The following SLC37A1 variants were observed in gnomAD, a reference collection of about 807,000 sequenced individuals.
SLC37A1 encodes the protein glucose-6-phosphate exchanger SLC37A1.
SLC37A1 carries 49 observed loss-of-function variants against 75.3 expected under a neutral mutation model. That is an observed-to-expected ratio of 0.65 (90% CI 0.52 to 0.83). The LOEUF is 0.83. SLC37A1 is among the 40% of genes least tolerant of loss of function. The pLI is 0.00. For missense variants in SLC37A1, 566 were observed against 695.0 expected (o/e 0.81, Z 2.09); for synonymous variants, 268 against 292.1 (o/e 0.92, Z 0.84).
At chr21:42,543,683 TGA>T in intron 8 of SLC37A1, 81 bp downstream of exon 8, 6 of 1,434,846 alleles carry the variant, frequency 4.2e-6, no homozygotes, top group Non-Finnish European at 5.7e-6. Context: ...GGGGCGAGTG[TGA>T]GAGCTGCGTG....
Position 42,579,940 on chromosome 21 carries a change from T to A in SLC37A1, c.1586+140T>A. 5.3e-6 allele frequency: 4 copies of A among 758,514 alleles called. 1 individual carries two copies. The South Asian group carries it at 6.6e-5, about 13-fold the overall frequency. 47.0% of individuals were successfully genotyped at this position (758,514 alleles called of 1,614,324 possible). ...TTTTCACGGCACGCCACCTTCACTC[T>A]CACTTTTTCTTTTCTAATAAATACC... On this transcript the variant is annotated intron_variant, in intron 19 of 19. Transcript: ENST00000352133.
intron 3 of SLC37A1, among the ~76,000 whole-genome samples, chr21:42,528,133 C>T (rs73905678): frequency 0.03 from 4,523 of 152,260 alleles, 216 homozygotes; most frequent in African/African-American, 0.1. Flanking sequence ...TAGAATGACA[C>T]GGCACACCAG....
intron 1 of SLC37A1, among the ~76,000 whole-genome samples, chr21:42,515,177 G>A (rs2054499874): frequency 6.6e-6 from 1 of 152,062 alleles, no homozygotes; most frequent in East Asian, 1.9e-4. Context: ...GAAAGAGATA[G>A]TGACCATTTT....
intron 10 of SLC37A1, among the ~76,000 whole-genome samples, chr21:42,555,012 A>G (rs1279860567): frequency 1.5e-5 from 2 of 131,878 alleles, no homozygotes; most frequent in Admixed American, 7.9e-5. Flanking sequence ...TTGAGACAAG[A>G]TCTTACTCTG....
At chr21:42,535,587 A>G (rs754725003) in intron 5 of SLC37A1, 37 bp downstream of exon 5, 76 of 1,566,394 alleles carry the variant, frequency 4.9e-5, no homozygotes, top group Non-Finnish European at 6.0e-5. Context: ...CTTCCTGGTT[A>G]CCTGGCCCCT....
chr21:42,553,611 A>G (rs78452055), intron 9 of SLC37A1, among the ~76,000 whole-genome samples: 18,394 of 151,822 alleles, frequency 0.12, 1,548 homozygotes, highest in African/African-American at 0.23. Context: ...GCCCTCTAGC[A>G]GCAGGTCCAC....
intron 10 of SLC37A1, among the ~76,000 whole-genome samples, chr21:42,556,770 G>GGCA (rs58219852): frequency 1.3e-5 from 2 of 152,192 alleles, no homozygotes; most frequent in Non-Finnish European, 2.9e-5. Flanking sequence ...GTAAGGAGGA[G>GGCA]GCAGCAGCAG....
In SLC37A1 at chr21:42,566,894, T is replaced by C. The variant is rs897951601; in HGVS notation, c.1271-91T>C. 1.5e-5 allele frequency: 20 copies of C among 1,323,122 alleles called. No homozygotes were observed. In the African/African-American group the frequency reaches 2.3e-4, roughly 15 times the overall value. 82.0% of individuals were successfully genotyped at this position (1,323,122 alleles called of 1,614,324 possible). A position where few individuals can be genotyped will look rare whatever the true frequency, so the allele number is the denominator to read the frequency against. On this transcript the variant is annotated intron_variant, in intron 15 of 19. Coordinates refer to ENST00000352133, the MANE Select transcript of SLC37A1 (RefSeq NM_001320537.2). The stretch of plus-strand genomic sequence containing the variant: ...CTGTTTCTGCTGCATCCCCTCCCTG[T>C]GCTCCCCAGGCGCCCACCTCAGGCT...
chr21:42,577,520 G>C (rs1329674201), intron 18 of SLC37A1, among the ~76,000 whole-genome samples: 3 of 152,180 alleles, frequency 2.0e-5, no homozygotes, highest in Non-Finnish European at 4.4e-5. Flanking sequence ...GTACAAGTGG[G>C]ACAATGAGAG....
intron 1 of SLC37A1, among the ~76,000 whole-genome samples, chr21:42,517,265 T>C (rs2054538223): frequency 1.3e-5 from 2 of 152,130 alleles, no homozygotes; most frequent in African/African-American, 4.8e-5. Flanking sequence ...AGCAGAAAGG[T>C]TAAGTGACTT....
At position 42,543,564 on chromosome 21, in the gene SLC37A1, C is replaced by T. The variant is rs1272888473; in HGVS notation, c.692C>T (p.Ala231Val). The T allele has an allele frequency of 6.2e-7, 1 of 1,613,102 alleles. No homozygotes were observed. The highest frequency in any genetic ancestry group is 8.5e-7 in the Non-Finnish European group (1 of 1,179,466). Residue 231 changes from alanine to valine, a missense_variant, in exon 8 of 20, where the codon GCA becomes GTA. Physicochemically the swap from Ala to Val is moderately conservative, Grantham distance 64. Transcript: ENST00000352133. ...TTCGTCGTGCCTGGAGCCATCGTGG[C>T]AGCCATGGGGATAGTGTGCTTTCTC... ...LSFVVPGAIV[A>V]AMGIVCFLFL...
rs2054562826 is a variant in SLC37A1, at chr21:42,518,333, C to T, written c.-122C>T. 2 of 1,289,698 alleles carry T rather than the reference C, an allele frequency of 1.6e-6. No individual in the cohort carries two copies. Among genetic ancestry groups the T allele is most frequent in the Admixed American group, 1.7e-5 (1 of 57,648 alleles). The allele number at this position is 1,289,698 out of a possible 1,614,324, so 79.9% of individuals were successfully genotyped here. Reference sequence around the variant, plus strand: ...AAGACCCAGCAGGACACCTTCTTTCCACGCTTTCCAGCCTGTGGGAGCGGC... The same window carrying T: ...AAGACCCAGCAGGACACCTTCTTTCTACGCTTTCCAGCCTGTGGGAGCGGC... On this transcript the variant is annotated 5_prime_UTR_variant, in exon 2 of 20. Transcript: ENST00000352133.
Position 42,564,774 on chromosome 21 carries a change from T to G in SLC37A1, c.1202T>G (p.Leu401Arg). ...EKRASTCGLM[L>R]LLAAPTLYIF... The stretch of plus-strand genomic sequence containing the variant: ...AGGGCCTCCACCTGCGGCCTGATGC[T>G]GCTGCTCGCGGCCCCCACGGTCAGC... Residue 401 changes from leucine to arginine, a missense_variant, in exon 14 of 20, where the codon CTG (leucine) becomes CGG (arginine). Leu to Arg is a moderately radical substitution (Grantham distance 102, BLOSUM62 -2). Transcript: ENST00000352133. 1 of 1,607,192 alleles carries G rather than the reference T, an allele frequency of 6.2e-7. No homozygotes were observed. Among genetic ancestry groups the G allele is most frequent in the Non-Finnish European group, 8.5e-7 (1 of 1,179,964 alleles).
chr21:42,531,882 G>A (rs1231518261), intron 3 of SLC37A1, among the ~76,000 whole-genome samples: 1 of 152,200 alleles, frequency 6.6e-6, no homozygotes, highest in African/African-American at 2.4e-5. Flanking sequence ...CTTCCAACAG[G>A]TCTGCGGGGT....
At chr21:42,535,748 C>T (rs913187523) in intron 5 of SLC37A1, among the ~76,000 whole-genome samples, 198 bp downstream of exon 5, 2 of 152,198 alleles carry the variant, frequency 1.3e-5, no homozygotes, top group Non-Finnish European at 2.9e-5. Flanking sequence ...CAACACAGGA[C>T]CTCGAGGCAG....
chr21:42,549,174 C>T (rs77495653), intron 9 of SLC37A1, among the ~76,000 whole-genome samples: 8,938 of 152,150 alleles, frequency 0.059, 365 homozygotes, highest in Middle Eastern at 0.11. Flanking sequence ...GGGAGAACTT[C>T]GCACACACCT....
intron 5 of SLC37A1, among the ~76,000 whole-genome samples, chr21:42,538,352 G>A (rs1279431674): frequency 1.3e-5 from 2 of 152,208 alleles, no homozygotes; most frequent in African/African-American, 2.4e-5. Flanking sequence ...TTCTGCTTTA[G>A]TGTTTAAAAG....
intron 17 of SLC37A1, 86 bp from the exon 18 acceptor site, chr21:42,574,732 T>G: frequency 8.0e-7 from 1 of 1,245,580 alleles, no homozygotes; most frequent in Non-Finnish European, 1.2e-6. Context: ...GTGAGTGAGG[T>G]GTTGAGCCCC....
At chr21:42,534,551 C>T (rs2055082961) in intron 3 of SLC37A1, 147 bp from the exon 4 acceptor site, 5 of 960,656 alleles carry the variant, frequency 5.2e-6, no homozygotes, top group Non-Finnish European at 7.3e-6. Flanking sequence ...CCGCCAGCAG[C>T]GCCTTGTGTC....
Sources: gnomAD v4.1 joint callset for allele counts (sites outside exome capture counted in the v4.1 genomes callset) on GRCh38, gnomAD v4.1.1 for gene constraint, MANE v1.5 for transcripts, NCBI Gene and HGNC (gene_info 2026-07-23, HGNC 2026-07-21) for gene names.